Variants in PPM1E observed in about 807,000 individuals in gnomAD.
PPM1E encodes protein phosphatase 1E.
PPM1E carries 20 observed loss-of-function variants against 65.9 expected under a neutral mutation model. The ratio of observed to expected loss-of-function variants is 0.30; its 90% CI spans 0.21 to 0.44. PPM1E has a LOEUF of 0.44. Among genes scored for constraint, PPM1E ranks in the 20% least tolerant of loss-of-function variants. The pLI, the probability that PPM1E is intolerant of heterozygous loss-of-function variation, is 1.00. For missense variants in PPM1E, 713 were observed against 953.1 expected, an observed-to-expected ratio of 0.75 and a Z score of 3.32; for synonymous variants, 352 against 374.9, an observed-to-expected ratio of 0.94 and a Z score of 0.70.
intron 1 of PPM1E, among the ~76,000 whole-genome samples, chr17:58,854,140 C>G (rs1014407952): frequency 2.6e-5 from 4 of 151,864 alleles, no homozygotes; most frequent in African/African-American, 9.7e-5. Context: ...TGGTTCATAC[C>G]TAAGTATTTT....
intron 1 of PPM1E, among the ~76,000 whole-genome samples, chr17:58,819,474 T>G (rs2050458564): frequency 6.6e-6 from 1 of 152,132 alleles, no homozygotes; most frequent in African/African-American, 2.4e-5. Flanking sequence ...TCTAATTACA[T>G]TTTTTGTTTC....
intron 1 of PPM1E, among the ~76,000 whole-genome samples, chr17:58,863,441 G>C (rs2050964148): frequency 6.6e-6 from 1 of 152,358 alleles, no homozygotes; most frequent in African/African-American, 2.4e-5. Flanking sequence ...CAGGATCCAA[G>C]TGTGTTACAA....
intron 1 of PPM1E, among the ~76,000 whole-genome samples, chr17:58,805,954 AAAAAAAC>A (rs1224241772): frequency 2.9e-4 from 30 of 101,792 alleles, no homozygotes; most frequent in African/African-American, 1.3e-3. Flanking sequence ...TCTGCTAAAA[AAAAAAAC>A]AAAAAAAAAA....
At chr17:58,953,848 A>G (rs1200925103) in intron 1 of PPM1E, among the ~76,000 whole-genome samples, 2 of 151,714 alleles carry the variant, frequency 1.3e-5, no homozygotes, top group African/African-American at 4.8e-5. Flanking sequence ...CCTGGGTTCA[A>G]GTGATTCTCT....
At chr17:58,769,014 A>C (rs140751192) in intron 1 of PPM1E, among the ~76,000 whole-genome samples, 1 of 152,220 alleles carries the variant, frequency 6.6e-6, no homozygotes, top group East Asian at 1.9e-4. Context: ...GAAATTCTTT[A>C]AACAATAGAC....
chr17:58,963,845 C>T (rs2030124847), intron 2 of PPM1E, among the ~76,000 whole-genome samples: 2 of 152,038 alleles, frequency 1.3e-5, no homozygotes, highest in African/African-American at 4.8e-5. Context: ...GCCAAGATTG[C>T]ACCACTGCTC....
intron 6 of PPM1E, among the ~76,000 whole-genome samples, chr17:58,974,315 C>G (rs949845627): frequency 2.2e-4 from 33 of 152,200 alleles, no homozygotes; most frequent in Admixed American, 4.6e-4. Context: ...AAGCATTGTG[C>G]TTTTTATATG....
intron 1 of PPM1E, among the ~76,000 whole-genome samples, chr17:58,866,422 A>G (rs1040619999): frequency 7.9e-5 from 12 of 152,214 alleles, no homozygotes; most frequent in Non-Finnish European, 1.3e-4. Context: ...ACGTTCCCCC[A>G]AGACTGGTGG....
chr17:58,791,014 G>A lies in PPM1E; in HGVS notation c.464+34553G>A, dbSNP rs575149743. 9.9e-5 allele frequency among the ~76,000 whole-genome samples: 15 copies of A among 151,452 alleles called. No individual in the cohort carries two copies. The South Asian group carries it at 2.9e-3, about 30-fold the overall frequency. On this transcript the variant is annotated intron_variant, in intron 1 of 6. Transcript: ENST00000308249. ...AAGTGATTCTCCTGCCTCAGCCTCC[G>A]GAGTAACTGGGACTACAGGTGCCCG...
chr17:58,905,199 C>A (rs1374034319), intron 1 of PPM1E, among the ~76,000 whole-genome samples: 2 of 152,052 alleles, frequency 1.3e-5, no homozygotes, highest in Non-Finnish European at 2.9e-5. Context: ...CCTTTTAATT[C>A]TTTTTCTTGT....
chr17:58,813,953 T>C (rs555047546), intron 1 of PPM1E, among the ~76,000 whole-genome samples: 1 of 152,248 alleles, frequency 6.6e-6, no homozygotes, highest in South Asian at 2.1e-4. Context: ...ACAGGCATTA[T>C]TGTGGGAGAG....
intron 1 of PPM1E, among the ~76,000 whole-genome samples, chr17:58,815,485 A>G (rs2050406307): frequency 6.6e-6 from 1 of 152,222 alleles, no homozygotes; most frequent in African/African-American, 2.4e-5. Flanking sequence ...AATAATTGAA[A>G]AGAAAGAGTA....
chr17:58,918,793 G>C (rs894792318), intron 1 of PPM1E, among the ~76,000 whole-genome samples: 4 of 135,066 alleles, frequency 3.0e-5, no homozygotes, highest in Non-Finnish European at 6.2e-5. Context: ...GTGACAAAGG[G>C]AGACTCCGTC....
rs1320193879 is a variant in PPM1E, at chr17:58,880,402, T to C, written c.465-75247T>C. 2.0e-5 allele frequency among the ~76,000 whole-genome samples: 3 copies of C among 152,148 alleles called. No homozygotes were observed. In the East Asian group the frequency reaches 5.8e-4, roughly 29 times the overall value. ...TGTTTTCTTGAAAGGATTAGGAATA[T>C]GAAGTTTCCTGCAGAATTTTACACC... On this transcript the variant is annotated intron_variant, in intron 1 of 6. Transcript: ENST00000308249.
At chr17:58,816,753 T>TATATATATATATATATATAA (rs2050420139) in intron 1 of PPM1E, among the ~76,000 whole-genome samples, 1 of 5,664 alleles carries the variant, frequency 1.8e-4, no homozygotes, top group African/African-American at 9.5e-4. Flanking sequence ...TATATATATA[T>TATATATATATATATATATAA]ATATATATAT....
At chr17:58,757,419 T>G (rs571119622) in intron 1 of PPM1E, among the ~76,000 whole-genome samples, 29 of 152,310 alleles carry the variant, frequency 1.9e-4, no homozygotes, top group Non-Finnish European at 2.9e-4. Flanking sequence ...ATTGCGTTTC[T>G]CAATGGAATT....
intron 1 of PPM1E, among the ~76,000 whole-genome samples, chr17:58,866,584 A>T (rs2051006485): frequency 6.6e-6 from 1 of 152,148 alleles, no homozygotes; most frequent in African/African-American, 2.4e-5. Flanking sequence ...CTACAGTAAT[A>T]ACCACTCATT....
At chr17:58,794,924 TGTCACCC>T (rs1320517611) in intron 1 of PPM1E, among the ~76,000 whole-genome samples, 4 of 148,586 alleles carry the variant, frequency 2.7e-5, no homozygotes, top group African/African-American at 1.0e-4. Context: ...AGTCTTGCTC[TGTCACCC>T]AGACTAGAGT....
At chr17:58,935,112 G>T (rs1376756595) in intron 1 of PPM1E, among the ~76,000 whole-genome samples, 2 of 147,398 alleles carry the variant, frequency 1.4e-5, no homozygotes, top group East Asian at 2.1e-4. Context: ...TTAGCTGGGC[G>T]CAGTGGCGGG....
Sources: gnomAD v4.1 joint callset for allele counts (sites outside exome capture counted in the v4.1 genomes callset) on GRCh38, gnomAD v4.1.1 for gene constraint, MANE v1.5 for transcripts, NCBI Gene and HGNC (gene_info 2026-07-23, HGNC 2026-07-21) for gene names.